LCP2: variants seen among roughly 807,000 people sequenced by gnomAD.
LCP2 encodes the protein lymphocyte cytosolic protein 2, also known as 76 kDa tyrosine phosphoprotein.
Under a neutral mutation model 74.5 loss-of-function variants are expected in LCP2, and 29 were observed. The observed-to-expected ratio is 0.39, with a 90% CI of 0.29 to 0.53. The LOEUF (loss-of-function observed/expected upper bound fraction) is 0.53, where lower values mean the gene tolerates loss of function less well. Among genes scored for constraint, LCP2 ranks in the 20% least tolerant of loss-of-function variants. LCP2 has a pLI of 0.72. For missense variants in LCP2, 604 were observed against 634.6 expected (o/e 0.95, Z 0.52); for synonymous variants, 228 against 229.5 (o/e 0.99, Z 0.06).
chr5:170,249,390 C>CTATATA (rs200081642), intron 20 of LCP2, among the ~76,000 whole-genome samples: 1 of 141,282 alleles, frequency 7.1e-6, no homozygotes, highest in African/African-American at 2.7e-5. Flanking sequence ...ATCTACATAT[C>CTATATA]TATATATATA....
intron 5 of LCP2, among the ~76,000 whole-genome samples, 194 bp downstream of exon 5, chr5:170,275,126 G>C (rs902701397): frequency 1.3e-5 from 2 of 152,144 alleles, no homozygotes; most frequent in Non-Finnish European, 2.9e-5. Context: ...GGGGCCATAA[G>C]CCAGGTGGCC....
intron 10 of LCP2, among the ~76,000 whole-genome samples, chr5:170,263,967 CAGAGGGA>C (rs1270668635): frequency 3.5e-4 from 53 of 152,212 alleles, no homozygotes; most frequent in African/African-American, 1.2e-3. Flanking sequence ...GTCGAGAAGC[CAGAGGGA>C]AAAGCACTCA....
In LCP2 at chr5:170,297,528, G is replaced by T; in HGVS notation, c.78+6C>A. On this transcript the variant is annotated splice_donor_region_variant and intron_variant, in intron 1 of 20. Transcript: ENST00000046794. ...TCATGACCATTCACACAAGAGCAAG[G>T]CTTACCTTCTTGAAATAGTCAGCAA... The T allele has an allele frequency of 6.2e-7, 1 of 1,611,768 alleles. No homozygotes were observed. Among genetic ancestry groups the T allele is most frequent in the Non-Finnish European group, 8.5e-7 (1 of 1,178,732 alleles).
chr5:170,265,877 A>G (rs1761745102), intron 10 of LCP2, among the ~76,000 whole-genome samples: 1 of 152,344 alleles, frequency 6.6e-6, no homozygotes, highest in Middle Eastern at 3.4e-3. Context: ...AGACTCATGT[A>G]GTTCACAGCA....
intron 2 of LCP2, among the ~76,000 whole-genome samples, chr5:170,291,304 C>T (rs908774193): frequency 6.6e-6 from 1 of 152,240 alleles, no homozygotes; most frequent in South Asian, 2.1e-4. Context: ...CTGGATATTA[C>T]AGAGCTGGAA....
At chr5:170,293,516 G>T in intron 1 of LCP2, 144 bp from the exon 2 acceptor site, 1 of 731,928 alleles carries the variant, frequency 1.4e-6, no homozygotes, top group Non-Finnish European at 2.4e-6. Flanking sequence ...CTAACAGAGG[G>T]CCCAGTCCCC....
At chr5:170,264,757 TCA>T (rs1348309071) in intron 10 of LCP2, among the ~76,000 whole-genome samples, 2 of 151,902 alleles carry the variant, frequency 1.3e-5, no homozygotes, top group Admixed American at 1.3e-4. Flanking sequence ...TATGATGCTG[TCA>T]CTGCACTCCA....
At chr5:170,262,485 G>A (rs1004582244) in intron 13 of LCP2, 150 bp downstream of exon 13, 9 of 614,166 alleles carry the variant, frequency 1.5e-5, no homozygotes, top group African/African-American at 5.6e-5. Context: ...GCCAACCTGT[G>A]AAGCCTGAAC....
At chr5:170,289,615 CTTTTTCTTTCTT>C (rs1218938944) in intron 2 of LCP2, among the ~76,000 whole-genome samples, 8 of 125,954 alleles carry the variant, frequency 6.4e-5, no homozygotes, top group African/African-American at 2.1e-4. Context: ...TTCTTTCTTT[CTTTTTCTTTCTT>C]TCTTTCTTTC....
At chr5:170,290,436 G>C (rs1423498777) in intron 2 of LCP2, among the ~76,000 whole-genome samples, 1 of 152,188 alleles carries the variant, frequency 6.6e-6, no homozygotes, top group Non-Finnish European at 1.5e-5. Flanking sequence ...GAGGTCACAT[G>C]ACTCTGTTGT....
In LCP2 at chr5:170,267,025, G is replaced by A. The variant is rs1296968529; in HGVS notation, c.672C>T (p.Asn224=). The A allele has an allele frequency of 1.2e-6, 2 of 1,613,854 alleles. No individual in the cohort carries two copies. Among genetic ancestry groups the A allele is most frequent in the Non-Finnish European group, 1.7e-6 (2 of 1,179,906 alleles). Residue 224 remains asparagine (N), a synonymous_variant, in exon 9 of 21, where the codon AAC becomes AAT. Coordinates refer to ENST00000046794, the MANE Select transcript of LCP2 (RefSeq NM_005565.5). ...TNHEEPSRSR[N]HKTAKLPAPS... is the part of the protein sequence containing the mutation. Reference sequence around the variant, plus strand: ...TGTACTCACGCTTTGCCGTTTTGTGGTTTCTGCTTCTGCTGGGTTCTTCGT... The same window carrying A: ...TGTACTCACGCTTTGCCGTTTTGTGATTTCTGCTTCTGCTGGGTTCTTCGT...
intron 3 of LCP2, among the ~76,000 whole-genome samples, chr5:170,277,138 C>A (rs1762020625): frequency 6.6e-6 from 1 of 150,574 alleles, no homozygotes; most frequent in South Asian, 2.1e-4. Flanking sequence ...TGGTAAAGGC[C>A]ACCCCTTTTC....
In LCP2 at chr5:170,253,144, C is replaced by T. The variant is rs766513092; in HGVS notation, c.1220G>A (p.Arg407Gln). The T allele has an allele frequency of 1.2e-6, 2 of 1,611,250 alleles. No individual in the cohort carries two copies. The highest frequency in any genetic ancestry group is 2.2e-5 in the East Asian group (1 of 44,836). Reference protein sequence around the residue: ...NFPLPLPNKPRPPSPAEEENS... With the variant: ...NFPLPLPNKPQPPSPAEEENS... ...CTCTTCCTCCGCGGGGGATGGGGGCCGAGGTTTGTTTGGAAGTGGCAAGGG... is the reference window on the plus strand; with the variant it reads ...CTCTTCCTCCGCGGGGGATGGGGGCTGAGGTTTGTTTGGAAGTGGCAAGGG... The change falls in exon 18 of 21, where the codon CGG (arginine) becomes CAG (glutamine). Residue 407 changes from arginine (R) to glutamine (Q), a missense_variant. Coordinates refer to ENST00000046794, the MANE Select transcript of LCP2 (RefSeq NM_005565.5).
intron 13 of LCP2, among the ~76,000 whole-genome samples, chr5:170,261,601 C>A (rs1472340465): frequency 2.0e-5 from 3 of 152,180 alleles, no homozygotes; most frequent in Admixed American, 1.3e-4. Context: ...TGCTTTAAAA[C>A]AGCCCTCTCA....
intron 13 of LCP2, among the ~76,000 whole-genome samples, chr5:170,261,815 T>C (rs1761660271): frequency 6.6e-6 from 1 of 152,258 alleles, no homozygotes; most frequent in Non-Finnish European, 1.5e-5. Flanking sequence ...CTGGACAATT[T>C]GTTGAACACC....
Position 170,262,842 on chromosome 5 carries a change from C to T in LCP2, c.818G>A (p.Arg273Lys), listed in dbSNP as rs1333355237. The change falls in exon 12 of 21, where the codon AGG becomes AAG. Residue 273 changes from arginine to lysine, a missense_variant and splice_region_variant. Arg to Lys is a conservative substitution (Grantham distance 26). Coordinates refer to ENST00000046794, the MANE Select transcript of LCP2 (RefSeq NM_005565.5). ...FSDKPSIPAG[R>K]SLGEHLPKIQ... ...CCTCATGTAGATGCAACAGTCTTAC[C>T]TTCCCGCTGGAATCGAGGGCTGCAA... 1.2e-6 allele frequency: 2 copies of T among 1,613,930 alleles called. No homozygotes were observed. Among genetic ancestry groups the T allele is most frequent in the African/African-American group, 1.3e-5 (1 of 74,934 alleles).
intron 3 of LCP2, among the ~76,000 whole-genome samples, chr5:170,284,569 T>C (rs1762152793): frequency 6.6e-6 from 1 of 152,076 alleles, no homozygotes; most frequent in South Asian, 2.1e-4. Flanking sequence ...GATTTGGGGT[T>C]TGTTGAGCCT....
At chr5:170,295,982 G>A (rs1375865667) in intron 1 of LCP2, among the ~76,000 whole-genome samples, 1 of 152,276 alleles carries the variant, frequency 6.6e-6, no homozygotes, top group East Asian at 1.9e-4. Context: ...GAGTTTTAGG[G>A]ATCAATTCTC....
At position 170,248,689 on chromosome 5, in the gene LCP2, AT is replaced by A. The variant is rs80044664; in HGVS notation, c.*7del. On this transcript the variant is annotated 3_prime_UTR_variant, in exon 21 of 21. Transcript: ENST00000046794. ...AGGAGGACGGTTCATTTGCTCGGCT[AT>A]AACTTGCTATGGGTACCCTGCAGCA... The A allele has an allele frequency of 0.5, 812,716 of 1,610,842 alleles. 206,226 individuals carry two copies. The highest frequency in any genetic ancestry group is 0.52 in the Non-Finnish European group (607,225 of 1,178,358).
Sources: gnomAD v4.1 joint callset for allele counts (sites outside exome capture counted in the v4.1 genomes callset) on GRCh38, gnomAD v4.1.1 for gene constraint, MANE v1.5 for transcripts, NCBI Gene and HGNC (gene_info 2026-07-23, HGNC 2026-07-21) for gene names.